The following THSD7B variants were observed in gnomAD, a reference collection of about 807,000 sequenced individuals.
THSD7B encodes thrombospondin type-1 domain-containing protein 7B.
A neutral mutation model predicts 213.6 loss-of-function variants in THSD7B; 138 were observed. The ratio of observed to expected loss-of-function variants is 0.65; its 90% confidence interval spans 0.56 to 0.74. THSD7B has a LOEUF of 0.74. Ranked by LOEUF, THSD7B falls within the 30% of genes least tolerant of loss-of-function variation. The pLI is 0.00. For missense variants in THSD7B, 1,931 were observed against 1,991.5 expected (o/e 0.97, Z 0.58); for synonymous variants, 742 against 687.0 (o/e 1.08, Z -1.25).
rs114674668 is a variant in THSD7B at position 136,906,526 on chromosome 2, T to G, written c.139+24209T>G. ...AATAAACCTGAGATTTTTAGGATCA[T>G]TTTTATAAGTCTTGAATTCGTTGAT... On this transcript the variant is annotated intron_variant, in intron 2 of 27. Coordinates refer to ENST00000409968, the MANE Select transcript of THSD7B (RefSeq NM_001316349.2). 2.6e-4 allele frequency: 39 copies of G among 152,264 alleles called. 1 individual carries two copies. Among genetic ancestry groups the G allele is most frequent in the African/African-American group, 8.7e-4 (36 of 41,566 alleles). The allele number at this position is 152,264 out of a possible 1,614,324, so 9.4% of individuals were successfully genotyped here.
At chr2:137,506,740 C>G (rs1679844280) in intron 15 of THSD7B, among the ~76,000 whole-genome samples, 1 of 152,206 alleles carries the variant, frequency 6.6e-6, no homozygotes, top group Non-Finnish European at 1.5e-5. Flanking sequence ...CTGATGAAAA[C>G]CTGATTCAGT....
intron 5 of THSD7B, among the ~76,000 whole-genome samples, chr2:137,139,482 C>A (rs1464718479): frequency 6.6e-6 from 1 of 152,134 alleles, no homozygotes; most frequent in African/African-American, 2.4e-5. Context: ...TTCGGTGGAA[C>A]CCCGAGGTAA....
At chr2:137,404,470 T>TACACACAC (rs1188350163) in intron 12 of THSD7B, among the ~76,000 whole-genome samples, 20 of 62,538 alleles carry the variant, frequency 3.2e-4, no homozygotes, top group African/African-American at 6.6e-4. Context: ...TATATATATA[T>TACACACAC]ATATACACAC....
intron 3 of THSD7B, among the ~76,000 whole-genome samples, 177 bp downstream of exon 3, chr2:137,057,407 A>G (rs1490605529): frequency 6.6e-6 from 1 of 152,196 alleles, no homozygotes; most frequent in Non-Finnish European, 1.5e-5. Context: ...AAAATTGCAT[A>G]GTTTAGACCA....
chr2:137,490,601 T>A (rs1256169969), intron 15 of THSD7B, among the ~76,000 whole-genome samples: 1 of 152,170 alleles, frequency 6.6e-6, no homozygotes, highest in Non-Finnish European at 1.5e-5. Flanking sequence ...TTACAGCTGG[T>A]GAAACTACAT....
intron 17 of THSD7B, among the ~76,000 whole-genome samples, chr2:137,610,834 T>C (rs1418814899): frequency 1.3e-5 from 2 of 152,008 alleles, no homozygotes; most frequent in African/African-American, 4.8e-5. Flanking sequence ...TTGATAATTG[T>C]ATTGTTCTGA....
At chr2:137,356,996 A>T (rs1465286274) in intron 12 of THSD7B, among the ~76,000 whole-genome samples, 2 of 149,844 alleles carry the variant, frequency 1.3e-5, no homozygotes, top group Admixed American at 6.6e-5. Context: ...ACACACACAC[A>T]CACACACACT....
chr2:137,138,434 G>T (rs1679512522), intron 5 of THSD7B, among the ~76,000 whole-genome samples: 1 of 152,114 alleles, frequency 6.6e-6, no homozygotes, highest in Non-Finnish European at 1.5e-5. Flanking sequence ...ATTTGGGTGG[G>T]TGTATGGTGG....
chr2:137,024,428 G>T lies in THSD7B; in HGVS notation c.140-31992G>T, dbSNP rs187823175. On this transcript the variant is annotated intron_variant, in intron 2 of 27. Coordinates refer to ENST00000409968, the MANE Select transcript of THSD7B (RefSeq NM_001316349.2). ...TCATTAGCAAGGCTGCTTCGCTGAG[G>T]ATAGTACGTTTCTATCATAATCCGC... is the stretch of plus-strand genomic sequence containing the variant. 1.6e-4 allele frequency among the ~76,000 whole-genome samples: 25 copies of T among 152,218 alleles called. No homozygotes were observed. In the East Asian group the frequency reaches 4.8e-3, roughly 29 times the overall value.
chr2:137,154,934 G>A (rs773840023), intron 5 of THSD7B, among the ~76,000 whole-genome samples: 3 of 152,084 alleles, frequency 2.0e-5, no homozygotes, highest in Non-Finnish European at 4.4e-5. Context: ...TGTTCATGGA[G>A]GAATTCATTA....
At chr2:137,152,863 C>A (rs1679844932) in intron 5 of THSD7B, among the ~76,000 whole-genome samples, 1 of 152,132 alleles carries the variant, frequency 6.6e-6, no homozygotes, top group African/African-American at 2.4e-5. Flanking sequence ...TTGTACCTGC[C>A]TCTCTGCCTT....
At chr2:136,901,126 T>C (rs924750149) in intron 2 of THSD7B, among the ~76,000 whole-genome samples, 2 of 152,206 alleles carry the variant, frequency 1.3e-5, no homozygotes, top group African/African-American at 4.8e-5. Context: ...TGATCTGAAA[T>C]GTCTTAGGTT....
intron 12 of THSD7B, among the ~76,000 whole-genome samples, chr2:137,380,713 G>C (rs1026210831): frequency 1.3e-5 from 2 of 152,240 alleles, no homozygotes; most frequent in Non-Finnish European, 2.9e-5. Context: ...TTAGCCTGGT[G>C]TAAGGAAAGT....
intron 21 of THSD7B, among the ~76,000 whole-genome samples, chr2:137,647,057 T>A (rs1159174437): frequency 2.6e-5 from 4 of 152,186 alleles, no homozygotes; most frequent in African/African-American, 9.7e-5. Context: ...CTTCCCTTGA[T>A]GCCCAACAGC....
chr2:137,323,995 G>A (rs1272015980), intron 12 of THSD7B, among the ~76,000 whole-genome samples: 2 of 152,106 alleles, frequency 1.3e-5, no homozygotes, highest in South Asian at 2.1e-4. Flanking sequence ...ATCACTCTCC[G>A]AGGCTCATAG....
chr2:137,302,993 G>A lies in THSD7B; in HGVS notation c.2500+26967G>A, dbSNP rs1281124318. Reference sequence around the variant, plus strand: ...CAAATATCCATAGAGACACACAGAGGCACTTCTTTATTTTATTATTTTTGA... The same window carrying A: ...CAAATATCCATAGAGACACACAGAGACACTTCTTTATTTTATTATTTTTGA... On this transcript the variant is annotated intron_variant, in intron 12 of 27. Transcript: ENST00000409968. Among the ~76,000 whole-genome samples, 4 of 151,974 alleles carry A rather than the reference G, an allele frequency of 2.6e-5. No individual in the cohort carries two copies. The East Asian group carries it at 7.7e-4, about 29-fold the overall frequency.
At chr2:137,359,916 A>G (rs1685215918) in intron 12 of THSD7B, among the ~76,000 whole-genome samples, 1 of 152,190 alleles carries the variant, frequency 6.6e-6, no homozygotes, top group Non-Finnish European at 1.5e-5. Context: ...TTGAATTAAT[A>G]AGCAAATCAA....
At chr2:137,444,736 A>G (rs1331452777) in intron 14 of THSD7B, among the ~76,000 whole-genome samples, 1 of 152,054 alleles carries the variant, frequency 6.6e-6, no homozygotes. Flanking sequence ...AGACCTCAAA[A>G]GCATAGGCCA....
At chr2:137,446,068 C>T (rs1370522235) in intron 14 of THSD7B, among the ~76,000 whole-genome samples, 6 of 150,848 alleles carry the variant, frequency 4.0e-5, no homozygotes, top group Admixed American at 6.6e-5. Flanking sequence ...TTTCATTATT[C>T]GAGCACAGTG....
Sources: allele counts gnomAD v4.1 joint callset (sites outside exome capture counted in the v4.1 genomes callset), GRCh38; gene constraint gnomAD v4.1.1; transcripts MANE v1.5; gene names NCBI Gene and HGNC (gene_info 2026-07-23, HGNC 2026-07-21).